Variants in ZC3H12B observed in about 807,000 individuals in gnomAD.
ZC3H12B encodes probable ribonuclease ZC3H12B.
ZC3H12B carries 7 observed loss-of-function variants against 43.9 expected under a neutral mutation model. That is an observed-to-expected ratio of 0.16 (90% CI 0.09 to 0.30). The LOEUF (loss-of-function observed/expected upper bound fraction) is 0.30, where lower values mean the gene tolerates loss of function less well. Among genes scored for constraint, ZC3H12B ranks in the 10% least tolerant of loss-of-function variants. The pLI is 1.00. For synonymous variants in ZC3H12B, 222 were observed against 241.7 expected (o/e 0.92, Z 0.76); for missense variants, 475 against 670.2 (o/e 0.71, Z 3.22).
chrX:65,118,321 G>C, the ZC3H12B span, among the ~76,000 whole-genome samples: 1 of 111,469 alleles, frequency 9.0e-6, no homozygotes. Context: ...TCTCTTTGAA[G>C]CAATTGTGAA....
the ZC3H12B span, among the ~76,000 whole-genome samples, chrX:65,168,572 A>T: frequency 9.0e-6 from 1 of 110,823 alleles, no homozygotes; most frequent in Non-Finnish European, 1.9e-5. Context: ...GTTAGGGAAG[A>T]TTCCCTCTTT....
At chrX:65,271,447 G>C in the ZC3H12B span, 4 of 112,717 alleles carry the variant, frequency 3.5e-5, no homozygotes, top group African/African-American at 9.7e-5. Context: ...TGATTAAAAA[G>C]GGTGGCATTC....
At chrX:65,229,528 A>C in the ZC3H12B span, among the ~76,000 whole-genome samples, 2 of 111,374 alleles carry the variant, frequency 1.8e-5, no homozygotes, top group Admixed American at 1.9e-4. Context: ...GCCAAAATTG[A>C]CAAGTGGGAT....
intron 3 of ZC3H12B, among the ~76,000 whole-genome samples, chrX:65,478,998 G>A (rs532078634): frequency 1.3e-3 from 151 of 112,095 alleles, no homozygotes; most frequent in Middle Eastern, 4.6e-3. Context: ...GTCTCTAATT[G>A]TTTTCAACAA....
chrX:65,347,169 G>A, the ZC3H12B span, among the ~76,000 whole-genome samples: 1 of 111,654 alleles, frequency 9.0e-6, no homozygotes, highest in East Asian at 2.8e-4. Flanking sequence ...ACAGGGTCTG[G>A]AGTGGACCTC....
the ZC3H12B span, among the ~76,000 whole-genome samples, chrX:65,115,299 T>A: frequency 9.1e-6 from 1 of 110,320 alleles, no homozygotes; most frequent in Non-Finnish European, 1.9e-5. Flanking sequence ...GAAAACATGA[T>A]GATATTTGGT....
At chrX:65,035,171 C>A in the ZC3H12B span, among the ~76,000 whole-genome samples, 1 of 112,184 alleles carries the variant, frequency 8.9e-6, no homozygotes, top group South Asian at 3.7e-4. Context: ...CGCCTTCTCT[C>A]GCCCGCCGAG....
At chrX:65,321,243 TA>T in the ZC3H12B span, among the ~76,000 whole-genome samples, 19 of 110,839 alleles carry the variant, frequency 1.7e-4, no homozygotes, top group Admixed American at 1.3e-3. Flanking sequence ...AACAGTCACT[TA>T]AAAAAAAGAA....
the ZC3H12B span, among the ~76,000 whole-genome samples, chrX:65,313,271 A>G: frequency 8.9e-6 from 1 of 112,186 alleles, no homozygotes; most frequent in Non-Finnish European, 1.9e-5. Context: ...ACTACATTAC[A>G]CTAATGATGG....
the ZC3H12B span, among the ~76,000 whole-genome samples, chrX:65,061,296 C>G: frequency 9.0e-6 from 1 of 111,140 alleles, no homozygotes. Flanking sequence ...AGATATTTCT[C>G]CTAATGCTAT....
chrX:65,111,575 G>A, the ZC3H12B span, among the ~76,000 whole-genome samples: 3 of 106,123 alleles, frequency 2.8e-5, no homozygotes, highest in Non-Finnish European at 5.8e-5. Context: ...TTTACAAATT[G>A]AAGGGTTTTG....
intron 1 of ZC3H12B, 58 bp from the exon 7 acceptor site, chrX:65,497,074 G>C: frequency 9.3e-7 from 1 of 1,080,682 alleles, no homozygotes; most frequent in East Asian, 3.2e-5. Context: ...GCCTGCTTCA[G>C]ATATTTCTTT....
At chrX:65,368,713 C>A (rs755109820) in intron 1 of ZC3H12B, 116 bp from the exon 4 acceptor site, 2 of 111,991 alleles carry the variant, frequency 1.8e-5, no homozygotes, top group South Asian at 7.5e-4. Context: ...ATCCAAATAT[C>A]TTTCTGCCCA....
At chrX:65,203,343 C>G in the ZC3H12B span, among the ~76,000 whole-genome samples, 78 of 111,603 alleles carry the variant, frequency 7.0e-4, no homozygotes, top group Middle Eastern at 4.6e-3. Flanking sequence ...CTGTGTTACA[C>G]CTGAAGCCAA....
chrX:65,098,039 G>A, the ZC3H12B span, among the ~76,000 whole-genome samples: 1 of 111,398 alleles, frequency 9.0e-6, no homozygotes, highest in Non-Finnish European at 1.9e-5. Context: ...ACACCATTTT[G>A]TTTTTTATCA....
the ZC3H12B span, among the ~76,000 whole-genome samples, chrX:65,224,289 A>T: frequency 2.4e-4 from 27 of 112,599 alleles, no homozygotes; most frequent in Admixed American, 2.5e-3. Flanking sequence ...GCCTTTGAGT[A>T]CTCGGGAAAG....
At chrX:65,088,308 C>T in the ZC3H12B span, among the ~76,000 whole-genome samples, 9 of 111,286 alleles carry the variant, frequency 8.1e-5, no homozygotes, top group Non-Finnish European at 1.3e-4. Flanking sequence ...TTGCAAACTA[C>T]GCAGACCTAC....
At chrX:65,365,516 G>A (rs1441990657), upstream of ZC3H12B, among the ~76,000 whole-genome samples, 1 of 110,734 alleles carries the variant, frequency 9.0e-6, no homozygotes, top group Admixed American at 9.6e-5. Context: ...TCCCATTGTA[G>A]GTTCCCATGC....
the ZC3H12B span, among the ~76,000 whole-genome samples, chrX:65,114,857 G>C: frequency 3.5e-5 from 3 of 86,085 alleles, no homozygotes; most frequent in Non-Finnish European, 6.7e-5. Context: ...ATTCTTTTTT[G>C]ACTTATTCAG....
Sources: allele counts gnomAD v4.1 joint callset (sites outside exome capture counted in the v4.1 genomes callset), GRCh38; gene constraint gnomAD v4.1.1; transcripts MANE v1.5; gene names NCBI Gene and HGNC (gene_info 2026-07-23, HGNC 2026-07-21).